The following FOLR3 variants were observed in gnomAD, a reference collection of about 807,000 sequenced individuals.
FOLR3 encodes the protein folate receptor gamma.
Under a neutral mutation model 20.0 loss-of-function variants are expected in FOLR3, and 9 were observed. That is an observed-to-expected ratio of 0.45 (90% CI 0.27 to 0.79). The LOEUF is 0.79. Among genes scored for constraint, FOLR3 ranks in the 30% least tolerant of loss-of-function variants. The pLI, the probability that FOLR3 is intolerant of heterozygous loss-of-function variation, is 0.15. For missense variants in FOLR3, 309 were observed against 323.5 expected (o/e 0.96, Z 0.34); for synonymous variants, 124 against 115.5 (o/e 1.07, Z -0.47).
intron 2 of FOLR3, 99 bp downstream of exon 2, chr11:72,136,219 C>A: frequency 1.4e-6 from 2 of 1,453,468 alleles, no homozygotes; most frequent in Non-Finnish European, 1.9e-6. Context: ...GGTGCCGCTG[C>A]TGACAAGGAA....
At position 72,139,708 on chromosome 11, in the gene FOLR3, G is replaced by C. The variant is rs762482523; in HGVS notation, c.615G>C (p.Gly205=). 1.5e-5 allele frequency: 25 copies of C among 1,613,828 alleles called. 1 individual carries two copies. The South Asian group carries it at 2.7e-4, about 18-fold the overall frequency. Residue 205 remains glycine (G), a synonymous_variant, in exon 5 of 5, where the codon GGG becomes GGC. Transcript: ENST00000611028. The part of the protein sequence containing the change: ...HSFKVSNYSR[G]SGRCIQMWFD... ...TCAAGGTCAGCAACTATAGTCGAGG[G>C]AGCGGCCGCTGCATCCAGATGTGGT...
intron 2 of FOLR3, among the ~76,000 whole-genome samples, chr11:72,138,274 G>A (rs1406876529): frequency 1.3e-5 from 2 of 152,084 alleles, no homozygotes; most frequent in South Asian, 2.1e-4. Flanking sequence ...GCTGAGGCAG[G>A]AGAATTGCTT....
chr11:72,139,862 C>A lies in FOLR3; in HGVS notation c.*31C>A. The A allele has an allele frequency of 6.2e-7, 1 of 1,610,204 alleles. No individual in the cohort carries two copies. ...GAAGGGTCCTCTGGGGTTCTTCCAA[C>A]AACCTATTCTAATAGACAAATCCAC... On this transcript the variant is annotated 3_prime_UTR_variant, in exon 5 of 5. Transcript: ENST00000611028.
intron 2 of FOLR3, among the ~76,000 whole-genome samples, chr11:72,137,511 G>A (rs1296020835): frequency 6.6e-6 from 1 of 150,936 alleles, no homozygotes; most frequent in African/African-American, 2.4e-5. Context: ...TTTAATTTGA[G>A]GCAGAGTTTC....
intron 2 of FOLR3, 139 bp downstream of exon 2, chr11:72,136,259 C>T: frequency 1.1e-6 from 1 of 951,018 alleles, no homozygotes; most frequent in Non-Finnish European, 1.6e-6. Flanking sequence ...CACCATGCCA[C>T]AGGTAAGGCC....
Position 72,136,037 on chromosome 11 carries a change from G to T in FOLR3, c.85G>T (p.Ala29Ser), listed in dbSNP as rs772181759. 10 of 1,613,884 alleles carry T rather than the reference G, an allele frequency of 6.2e-6. No individual in the cohort carries two copies. In the African/African-American group the frequency reaches 1.3e-4, roughly 22 times the overall value. Residue 29 changes from alanine (A) to serine (S), a missense_variant, in exon 2 of 5, where the codon GCC (alanine) becomes TCC (serine). By Grantham distance (99) the Ala-to-Ser change is moderately conservative. Transcript: ENST00000611028. Reference sequence around the variant, plus strand: ...GAGTGCCCAGCCCAGGAGTGCGCGGGCCAGGACGGACCTGCTCAATGTCTG... The same window carrying T: ...GAGTGCCCAGCCCAGGAGTGCGCGGTCCAGGACGGACCTGCTCAATGTCTG... ...AGSAQPRSAR[A>S]RTDLLNVCMN...
intron 2 of FOLR3, 72 bp downstream of exon 2, chr11:72,136,192 G>C (rs1388019838): frequency 6.4e-7 from 1 of 1,570,090 alleles, no homozygotes. Context: ...GGCAGGTCCA[G>C]TGTGGTCAGA....
chr11:72,139,578 C>CAG lies in FOLR3; in HGVS notation c.494-9_494-8insAG. On this transcript the variant is annotated splice_polypyrimidine_tract_variant and intron_variant, in intron 4 of 4. Coordinates refer to ENST00000611028, the MANE Select transcript of FOLR3 (RefSeq NM_000804.4). ...CAGAAGCTAAGGGTCTTACGTTCTC[C>CAG]TCCCTCAGGGATTAATGAGTGTCCG... is the stretch of plus-strand genomic sequence containing the variant. The CAG allele has an allele frequency of 1.2e-6, 2 of 1,613,890 alleles. No individual in the cohort carries two copies. The highest frequency in any genetic ancestry group is 8.5e-7 in the Non-Finnish European group (1 of 1,179,852).
Position 72,139,468 on chromosome 11 carries a change from G to A in FOLR3, c.479G>A (p.Trp160Ter). ...TGCAAAAGCAACTGGCACAAAGGCT[G>A]GAATTGGACCTCAGGTGAGGACCTG... ...YTCKSNWHKG[W>*]NWTSGINECP... Residue 160 changes from tryptophan (W) to a stop codon, truncating the protein, a stop_gained, in exon 4 of 5, where the codon TGG becomes TAG. Transcript: ENST00000611028. LOFTEE classifies it low-confidence loss of function (END_TRUNC). 6.2e-7 allele frequency: 1 copy of A among 1,613,852 alleles called. No homozygotes were observed. The highest frequency in any genetic ancestry group is 8.5e-7 in the Non-Finnish European group (1 of 1,179,816).
At chr11:72,138,876 A>T (rs1947776290) in intron 2 of FOLR3, 85 bp from the exon 3 acceptor site, 1 of 1,534,012 alleles carries the variant, frequency 6.5e-7, no homozygotes, top group African/African-American at 1.4e-5. Context: ...GTTCCTCTGG[A>T]TGACCTACCT....
chr11:72,136,727 G>C (rs1947746806), intron 2 of FOLR3, among the ~76,000 whole-genome samples: 6 of 152,176 alleles, frequency 3.9e-5, no homozygotes. Flanking sequence ...CATCCTCCTT[G>C]CCAGGAAATG....
intron 2 of FOLR3, among the ~76,000 whole-genome samples, chr11:72,136,997 G>A (rs1237058742): frequency 2.6e-5 from 4 of 152,176 alleles, no homozygotes; most frequent in African/African-American, 7.2e-5. Flanking sequence ...GTGTGAAGTC[G>A]GGCTGGCAGG....
chr11:72,138,813 G>T (rs898276019), intron 2 of FOLR3, 148 bp from the exon 3 acceptor site: 6 of 841,834 alleles, frequency 7.1e-6, no homozygotes, highest in Admixed American at 4.6e-5. Context: ...CACCAATATT[G>T]TAATTGCCTC....
Position 72,136,313 on chromosome 11 carries a change from G to A in FOLR3, c.168+193G>A, listed in dbSNP as rs1390799584. 5.9e-5 allele frequency among the ~76,000 whole-genome samples: 9 copies of A among 152,096 alleles called. No homozygotes were observed. In the South Asian group the frequency reaches 1.9e-3, roughly 32 times the overall value. ...ATATGAGCTCCAATTTGAACTCCAG[G>A]CTCAGGAGTGTGCTTGTATTTCATT... On this transcript the variant is annotated intron_variant, in intron 2 of 4. Coordinates refer to ENST00000611028, the MANE Select transcript of FOLR3 (RefSeq NM_000804.4).
intron 2 of FOLR3, among the ~76,000 whole-genome samples, chr11:72,138,631 G>A (rs912427088): frequency 2.0e-5 from 3 of 152,130 alleles, no homozygotes; most frequent in Non-Finnish European, 2.9e-5. Flanking sequence ...ATATTAGCCA[G>A]GCATGGTGGC....
At position 72,139,852 on chromosome 11, in the gene FOLR3, G is replaced by A. The variant is rs368765894; in HGVS notation, c.*21G>A. On this transcript the variant is annotated 3_prime_UTR_variant, in exon 5 of 5. Transcript: ENST00000611028. ...CCTGATCCAAGAAGGGTCCTCTGGG[G>A]TTCTTCCAACAACCTATTCTAATAG... The A allele has an allele frequency of 3.6e-4, 578 of 1,611,742 alleles. 1 individual carries two copies. Among genetic ancestry groups the A allele is most frequent in the Middle Eastern group, 9.9e-4 (6 of 6,066 alleles).
chr11:72,139,402 A>G lies in FOLR3; in HGVS notation c.413A>G (p.Asp138Gly). The G allele has an allele frequency of 6.2e-7, 1 of 1,612,116 alleles. No homozygotes were observed. The change falls in exon 4 of 5, where the codon GAC (aspartate) becomes GGC (glycine). Residue 138 changes from aspartate (D) to glycine (G), a missense_variant. Physicochemically the swap from Asp to Gly is moderately conservative, Grantham distance 94. Coordinates refer to ENST00000611028, the MANE Select transcript of FOLR3 (RefSeq NM_000804.4). ...CTGAACGTGCCCCTGTGCAAAGAGG[A>G]CTGTGAGCGCTGGTGGGAGGACTGT... ...RILNVPLCKE[D>G]CERWWEDCRT...
Position 72,139,846 on chromosome 11 carries a change from T to C in FOLR3, c.*15T>C, listed in dbSNP as rs1947798069. The C allele has an allele frequency of 1.2e-5, 19 of 1,612,318 alleles. No individual in the cohort carries two copies. The East Asian group carries it at 4.0e-4, about 34-fold the overall frequency. ...TTGATTCCTGATCCAAGAAGGGTCC[T>C]CTGGGGTTCTTCCAACAACCTATTC... On this transcript the variant is annotated 3_prime_UTR_variant, in exon 5 of 5. Coordinates refer to ENST00000611028, the MANE Select transcript of FOLR3 (RefSeq NM_000804.4).
chr11:72,139,410 C>G lies in FOLR3; in HGVS notation c.421C>G (p.Arg141Gly), dbSNP rs374588118. 2 of 1,611,744 alleles carry G rather than the reference C, an allele frequency of 1.2e-6. No homozygotes were observed. Among genetic ancestry groups the G allele is most frequent in the African/African-American group, 2.7e-5 (2 of 74,850 alleles). Residue 141 changes from arginine (R) to glycine (G), a missense_variant, in exon 4 of 5, where the codon CGC becomes GGC. Physicochemically the swap from Arg to Gly is moderately radical, Grantham distance 125 (BLOSUM62 -2). Transcript: ENST00000611028. Reference sequence around the variant, plus strand: ...GCCCCTGTGCAAAGAGGACTGTGAGCGCTGGTGGGAGGACTGTCGCACCTC... The same window carrying G: ...GCCCCTGTGCAAAGAGGACTGTGAGGGCTGGTGGGAGGACTGTCGCACCTC... ...NVPLCKEDCE[R>G]WWEDCRTSYT...
Sources: gnomAD v4.1 joint callset for allele counts (sites outside exome capture counted in the v4.1 genomes callset) on GRCh38, gnomAD v4.1.1 for gene constraint, MANE v1.5 for transcripts, NCBI Gene and HGNC (gene_info 2026-07-23, HGNC 2026-07-21) for gene names.